UBE2E2: variants seen among roughly 807,000 people sequenced by gnomAD.
The protein encoded by UBE2E2 is ubiquitin-conjugating enzyme E2 E2.
UBE2E2 carries 6 observed loss-of-function variants against 24.7 expected under a neutral mutation model. The observed-to-expected ratio is 0.24, with a 90% CI of 0.13 to 0.48. The LOEUF is 0.48. Ranked by LOEUF, UBE2E2 falls within the 20% of genes least tolerant of loss-of-function variation. The probability of loss-of-function intolerance (pLI) is 0.99; values close to 1 mark genes in which losing one functional copy is unlikely to be tolerated. For missense variants in UBE2E2, 169 were observed against 245.0 expected (o/e 0.69, Z 2.07); for synonymous variants, 104 against 83.6 (o/e 1.24, Z -1.33).
At position 23,523,611 on chromosome 3, in the gene UBE2E2, T is replaced by C. The variant is rs143465834; in HGVS notation, c.361-8943T>C. ...ATTCAAGGGCCAGATAATATTCCTA[T>C]GGGGTGGGGGGCTGGGGGAAGGTGG... On this transcript the variant is annotated intron_variant, in intron 4 of 5. Coordinates refer to ENST00000396703, the MANE Select transcript of UBE2E2 (RefSeq NM_152653.4). 4.5e-3 allele frequency among the ~76,000 whole-genome samples: 110 copies of C among 24,606 alleles called. 2 individuals are homozygous for C. The Middle Eastern group carries it at 0.16, about 36-fold the overall frequency. The allele number at this position is 24,606 out of a possible 152,430, so 16.1% of individuals were successfully genotyped here. A position where few individuals can be genotyped will look rare whatever the true frequency, so the allele number is the denominator to read the frequency against.
chr3:23,519,094 C>T (rs373960213), intron 4 of UBE2E2, among the ~76,000 whole-genome samples: 10 of 152,336 alleles, frequency 6.6e-5, no homozygotes, highest in Admixed American at 3.9e-4. Flanking sequence ...CACTCCTTCC[C>T]TAAGACTCCA....
At chr3:23,287,113 C>T (rs765045108) in intron 3 of UBE2E2, among the ~76,000 whole-genome samples, 5 of 151,984 alleles carry the variant, frequency 3.3e-5, no homozygotes, top group Non-Finnish European at 7.4e-5. Context: ...CTTCTGTACT[C>T]AGTTTTTTGA....
chr3:23,529,672 A>G (rs528208246), intron 4 of UBE2E2, among the ~76,000 whole-genome samples: 39 of 152,290 alleles, frequency 2.6e-4, no homozygotes, highest in African/African-American at 8.7e-4. Context: ...AATTATCAAT[A>G]TTATGTAAGC....
At chr3:23,308,861 T>C (rs1161324081) in intron 3 of UBE2E2, among the ~76,000 whole-genome samples, 1 of 152,112 alleles carries the variant, frequency 6.6e-6, no homozygotes, top group Admixed American at 6.6e-5. Context: ...ACAGTGCAGC[T>C]CTCTCAGTCT....
chr3:23,258,255 G>A (rs1697790808), intron 3 of UBE2E2, among the ~76,000 whole-genome samples: 1 of 152,176 alleles, frequency 6.6e-6, no homozygotes, highest in Admixed American at 6.5e-5. Flanking sequence ...GTGACTAGCA[G>A]ATATTTTCGG....
intron 3 of UBE2E2, among the ~76,000 whole-genome samples, chr3:23,424,159 C>G (rs1188975817): frequency 1.3e-5 from 2 of 151,944 alleles, no homozygotes; most frequent in Non-Finnish European, 2.9e-5. Flanking sequence ...CAGAAAATAC[C>G]CAATTGAATA....
chr3:23,204,237 T>A (rs1302697239), intron 1 of UBE2E2, among the ~76,000 whole-genome samples: 1 of 151,788 alleles, frequency 6.6e-6, no homozygotes, highest in Admixed American at 6.6e-5. Context: ...GCGTGGCTTC[T>A]TGTGGCTTTT....
intron 3 of UBE2E2, among the ~76,000 whole-genome samples, chr3:23,224,156 G>GTTTTTTTTTTTTTTTTTTT (rs531661466): frequency 2.1e-5 from 2 of 93,694 alleles, no homozygotes; most frequent in African/African-American, 4.0e-5. Context: ...TAAATTTTAG[G>GTTTTTTTTTTTTTTTTTTT]TTTTTTTTTT....
intron 5 of UBE2E2, among the ~76,000 whole-genome samples, chr3:23,561,129 A>T (rs561812755): frequency 5.6e-4 from 86 of 152,338 alleles, no homozygotes; most frequent in Middle Eastern, 3.4e-3. Context: ...TGTTTTAGAC[A>T]TGAAGTCCTT....
chr3:23,361,172 A>T (rs997871346), intron 3 of UBE2E2, among the ~76,000 whole-genome samples: 10 of 152,186 alleles, frequency 6.6e-5, no homozygotes, highest in Admixed American at 2.6e-4. Flanking sequence ...TAAAAATAAA[A>T]AATAATAGAT....
At chr3:23,273,947 T>C (rs1698316963) in intron 3 of UBE2E2, 1 of 152,252 alleles carries the variant, frequency 6.6e-6, no homozygotes, top group Admixed American at 6.5e-5. Context: ...TAAAGTGTGA[T>C]CCAGATGTTA....
At chr3:23,273,808 G>C (rs1001003783) in intron 3 of UBE2E2, 1 of 152,374 alleles carries the variant, frequency 6.6e-6, no homozygotes, top group Non-Finnish European at 1.5e-5. Flanking sequence ...TATGACCCAG[G>C]CTGGTTCAAG....
intron 3 of UBE2E2, among the ~76,000 whole-genome samples, chr3:23,462,406 C>T (rs1698822970): frequency 1.3e-5 from 2 of 152,156 alleles, no homozygotes; most frequent in Non-Finnish European, 2.9e-5. Flanking sequence ...AAGCCCAGTG[C>T]ATCTCTACTT....
intron 3 of UBE2E2, chr3:23,323,529 T>A (rs978922456): frequency 6.6e-6 from 3 of 451,424 alleles, no homozygotes; most frequent in African/African-American, 4.0e-5. Context: ...AACATAACAC[T>A]GAAAGGAAAT....
intron 3 of UBE2E2, among the ~76,000 whole-genome samples, chr3:23,278,835 C>A (rs1301751954): frequency 2.0e-5 from 3 of 152,086 alleles, no homozygotes; most frequent in Admixed American, 2.0e-4. Context: ...ATTATGAAAA[C>A]CTAAGTTTCC....
intron 3 of UBE2E2, among the ~76,000 whole-genome samples, chr3:23,355,147 C>T (rs1051238131): frequency 2.3e-4 from 35 of 149,920 alleles, no homozygotes; most frequent in Non-Finnish European, 4.0e-4. Context: ...ACAAACACCT[C>T]ATGTTCTCAC....
intron 3 of UBE2E2, among the ~76,000 whole-genome samples, chr3:23,405,397 G>C (rs1697331696): frequency 1.3e-5 from 2 of 152,212 alleles, no homozygotes; most frequent in African/African-American, 4.8e-5. Flanking sequence ...TAGTGGCAGA[G>C]CCTGAAAAGC....
Position 23,462,501 on chromosome 3 carries a change from T to G in UBE2E2, c.228-37107T>G, listed in dbSNP as rs116708944. Reference sequence around the variant, plus strand: ...GTACAGCTTTTCACATCTTTGCTATTCACGACGAACCCTGAATCCTCATGT... The same window carrying G: ...GTACAGCTTTTCACATCTTTGCTATGCACGACGAACCCTGAATCCTCATGT... On this transcript the variant is annotated intron_variant, in intron 3 of 5. Transcript: ENST00000396703. 1.7e-3 allele frequency among the ~76,000 whole-genome samples: 262 copies of G among 152,296 alleles called. 1 individual carries two copies. The highest frequency in any genetic ancestry group is 6.1e-3 in the African/African-American group (253 of 41,572).
At chr3:23,300,179 C>G (rs1339959349) in intron 3 of UBE2E2, among the ~76,000 whole-genome samples, 3 of 152,094 alleles carry the variant, frequency 2.0e-5, no homozygotes, top group Non-Finnish European at 2.9e-5. Context: ...ATGTGTGTCT[C>G]TGCACGTGAG....
Sources: allele counts gnomAD v4.1 joint callset (sites outside exome capture counted in the v4.1 genomes callset), GRCh38; gene constraint gnomAD v4.1.1; transcripts MANE v1.5; gene names NCBI Gene and HGNC (gene_info 2026-07-23, HGNC 2026-07-21).